Variants in BEND2 observed in about 807,000 individuals in gnomAD.
BEND2 encodes the protein BEN domain containing 2.
Under a neutral mutation model 43.8 loss-of-function variants are expected in BEND2, and 19 were observed. The ratio of observed to expected loss-of-function variants is 0.43; its 90% CI spans 0.30 to 0.64. The LOEUF (loss-of-function observed/expected upper bound fraction) is 0.64. Ranked by LOEUF, BEND2 falls within the 30% of genes least tolerant of loss-of-function variation. The pLI, the probability that BEND2 is intolerant of heterozygous loss-of-function variation, is 0.11. For missense variants in BEND2, 544 were observed against 574.0 expected, an observed-to-expected ratio of 0.95 and a Z score of 0.53; for synonymous variants, 226 against 210.1, an observed-to-expected ratio of 1.08 and a Z score of -0.66.
chrX:18,219,514 T>A, intron 1 of BEND2, among the ~76,000 whole-genome samples: 1 of 113,035 alleles, frequency 8.8e-6, no homozygotes, highest in South Asian at 3.6e-4. Flanking sequence ...ACAGTCTGTC[T>A]CTAAATCAAA....
At chrX:18,204,126 C>A (rs767999711) in intron 4 of BEND2, among the ~76,000 whole-genome samples, 16 of 112,264 alleles carry the variant, frequency 1.4e-4, no homozygotes, top group African/African-American at 4.8e-4. Flanking sequence ...TTCCTTGCAA[C>A]ATCATTTTCC....
chrX:18,177,089 A>T (rs1413456173), intron 10 of BEND2, among the ~76,000 whole-genome samples: 1 of 110,144 alleles, frequency 9.1e-6, no homozygotes, highest in Non-Finnish European at 1.9e-5. Context: ...TATCCTTAGT[A>T]TCCATGAGTT....
At chrX:18,190,740 A>ACT (rs59031812) in intron 8 of BEND2, among the ~76,000 whole-genome samples, 95 of 98,207 alleles carry the variant, frequency 9.7e-4, no homozygotes, top group East Asian at 4.6e-3. Context: ...AACTAAATAT[A>ACT]CTCTCTCTCT....
intron 7 of BEND2, 124 bp from the exon 8 acceptor site, chrX:18,191,232 T>C (rs1290746693): frequency 1.9e-6 from 1 of 523,016 alleles, no homozygotes; most frequent in African/African-American, 2.4e-5. Context: ...AAAGACATTC[T>C]CAGACAAAGA....
intron 10 of BEND2, among the ~76,000 whole-genome samples, chrX:18,177,308 T>C (rs1924204168): frequency 1.0e-5 from 1 of 95,590 alleles, no homozygotes; most frequent in African/African-American, 3.9e-5. Context: ...AAGAATTGAC[T>C]TAGTACTAAC....
chrX:18,205,429 C>T (rs904514665), intron 4 of BEND2, among the ~76,000 whole-genome samples: 1 of 106,426 alleles, frequency 9.4e-6, no homozygotes, highest in Non-Finnish European at 1.9e-5. Flanking sequence ...ACAAAAACTC[C>T]GTCTCTAGAA....
rs747898068 is a variant in BEND2, at chrX:18,174,140, T to C, written c.1871A>G (p.Asn624Ser). The C allele has an allele frequency of 5.0e-6, 6 of 1,209,867 alleles. No individual in the cohort carries two copies. Among genetic ancestry groups the C allele is most frequent in the Non-Finnish European group, 6.7e-6 (6 of 894,815 alleles). The change falls in exon 12 of 14, where the codon AAT (asparagine) becomes AGT (serine). Residue 624 changes from asparagine (N) to serine (S), a missense_variant. Physicochemically the swap from Asn to Ser is conservative, Grantham distance 46 (BLOSUM62 1). Around this residue, in one of 2 missense-constraint regions of BEND2, gnomAD observed 501 missense variants for 501.6 expected, o/e 1.00. Coordinates refer to ENST00000380033, the MANE Select transcript of BEND2 (RefSeq NM_153346.5). ...CCTCTTTTCTCTCATTTTGGAGTTATTCATTGGCTGAAACATCCAAGAACA... is the reference window on the plus strand; with the variant it reads ...CCTCTTTTCTCTCATTTTGGAGTTACTCATTGGCTGAAACATCCAAGAACA... ...EGCSWMFQPMNNSKMREKRNL... is the reference protein window; with the variant it reads ...EGCSWMFQPMSNSKMREKRNL...
chrX:18,213,038 G>A (rs1346517108), intron 3 of BEND2, among the ~76,000 whole-genome samples: 1 of 111,559 alleles, frequency 9.0e-6, no homozygotes, highest in Non-Finnish European at 1.9e-5. Flanking sequence ...ATGGCATTGT[G>A]TCCAAAATGT....
Position 18,203,773 on chromosome X carries a change from A to G in BEND2, c.635T>C (p.Val212Ala). 4 of 1,211,431 alleles carry G rather than the reference A, an allele frequency of 3.3e-6. No individual in the cohort carries two copies. Among genetic ancestry groups the G allele is most frequent in the Middle Eastern group, 4.6e-4 (2 of 4,355 alleles). ...LSESLSYPRI[V>A]SSSSLQQYVA... is the part of the protein sequence containing the mutation. ...ATACTGCTGTAATGAACTTGAGGAG[A>G]CAATTCTGGGATATGATAAACTCTC... The change falls in exon 5 of 14, where the codon GTC becomes GCC. Residue 212 changes from valine to alanine, a missense_variant. Physicochemically the swap from Val to Ala is moderately conservative, Grantham distance 64. Around this residue, in one of 2 missense-constraint regions of BEND2, gnomAD observed 501 missense variants for 501.6 expected, o/e 1.00. Coordinates refer to ENST00000380033, the MANE Select transcript of BEND2 (RefSeq NM_153346.5).
At chrX:18,177,436 G>A in intron 10 of BEND2, 133 bp downstream of exon 10, 1 of 666,574 alleles carries the variant, frequency 1.5e-6, no homozygotes, top group Non-Finnish European at 2.3e-6. Flanking sequence ...ATCAGGGTCA[G>A]ACAGGTGAAA....
intron 8 of BEND2, among the ~76,000 whole-genome samples, chrX:18,182,500 G>A (rs1924418136): frequency 9.0e-6 from 1 of 111,379 alleles, no homozygotes; most frequent in African/African-American, 3.3e-5. Flanking sequence ...AAGCAGAGTG[G>A]CTATATTGAT....
At position 18,176,066 on chromosome X, in the gene BEND2, C is replaced by T; in HGVS notation, c.1658G>A (p.Cys553Tyr). The change falls in exon 11 of 14, where the codon TGT becomes TAT. Residue 553 changes from cysteine to tyrosine, a missense_variant. Transcript: ENST00000380033. ...GTCTTTTCCATGTTCATGCAAATCA[C>T]AGGTGGGAAAAGTTGTTGCCAGATA... Reference protein sequence around the residue: ...REYLATTFPTCDLHEHGKDWQ... With the variant: ...REYLATTFPTYDLHEHGKDWQ... 2 of 1,198,550 alleles carry T rather than the reference C, an allele frequency of 1.7e-6. No individual in the cohort carries two copies. The highest frequency in any genetic ancestry group is 2.2e-6 in the Non-Finnish European group (2 of 890,126).
intron 8 of BEND2, among the ~76,000 whole-genome samples, chrX:18,186,092 T>C (rs1296819395): frequency 8.9e-6 from 1 of 111,948 alleles, no homozygotes; most frequent in East Asian, 2.8e-4. Context: ...TTGTGCTGTA[T>C]AAAATACTCT....
At chrX:18,204,540 A>T (rs5909421) in intron 4 of BEND2, among the ~76,000 whole-genome samples, 19,098 of 111,900 alleles carry the variant, frequency 0.17, 1,253 homozygotes, top group East Asian at 0.34. Context: ...ATATTTAAAA[A>T]ATAGTAGCTC....
At position 18,197,448 on chromosome X, in the gene BEND2, A is replaced by G. The variant is rs1391411727; in HGVS notation, c.1034-2006T>C. ...GACTCCGCCTCAAAAAAATAAAAAT[A>G]AAAGTTTAATTTCAAAAACGAGCTA... On this transcript the variant is annotated intron_variant, in intron 6 of 13. Coordinates refer to ENST00000380033, the MANE Select transcript of BEND2 (RefSeq NM_153346.5). 2.7e-5 allele frequency among the ~76,000 whole-genome samples: 3 copies of G among 111,917 alleles called. 1 individual carries two copies. The highest frequency in any genetic ancestry group is 5.6e-4 in the East Asian group (2 of 3,569).
chrX:18,195,259 A>C (rs1364479493), intron 7 of BEND2, 37 bp downstream of exon 7: 2 of 1,175,109 alleles, frequency 1.7e-6, no homozygotes, highest in Non-Finnish European at 2.3e-6. Context: ...AATCTAGATG[A>C]GAGGCCTGCT....
chrX:18,194,597 C>T (rs142813679), intron 7 of BEND2, among the ~76,000 whole-genome samples: 1 of 111,794 alleles, frequency 8.9e-6, no homozygotes, highest in African/African-American at 3.2e-5. Flanking sequence ...ACCCACCAGA[C>T]GTCCTTCAGC....
Position 18,164,892 on chromosome X carries a change from A to G in BEND2, c.*117T>C. ...GAAAAAGAGGTTTGGCGATTACTAC[A>G]GGTGTCAATGCAAACTACTCTGCCA... On this transcript the variant is annotated 3_prime_UTR_variant, in exon 14 of 14. Coordinates refer to ENST00000380033, the MANE Select transcript of BEND2 (RefSeq NM_153346.5). 1 of 720,856 alleles carries G rather than the reference A, an allele frequency of 1.4e-6. No homozygotes were observed. Among genetic ancestry groups the G allele is most frequent in the African/African-American group, 2.1e-5 (1 of 46,789 alleles). 59.4% of individuals were successfully genotyped at this position (720,856 alleles called of 1,213,427 possible).
At chrX:18,176,715 A>C (rs1485669352) in intron 10 of BEND2, among the ~76,000 whole-genome samples, 2 of 111,191 alleles carry the variant, frequency 1.8e-5, no homozygotes, top group Non-Finnish European at 3.8e-5. Flanking sequence ...CCCAATGTTG[A>C]CTATTTCAGG....
Sources: gnomAD v4.1 joint callset for allele counts (sites outside exome capture counted in the v4.1 genomes callset) on GRCh38, gnomAD v4.1.1 for gene constraint, gnomAD v4.1.1 regional missense constraint, MANE v1.5 for transcripts, NCBI Gene and HGNC (gene_info 2026-07-23, HGNC 2026-07-21) for gene names.